Variants in MAX observed in about 807,000 individuals in gnomAD.
MAX encodes the protein protein max.
In MAX, 3 loss-of-function variants were observed where a neutral mutation model predicts 22.3. The ratio of observed to expected loss-of-function variants is 0.13; its 90% CI spans 0.06 to 0.35. MAX has a LOEUF of 0.35. MAX is among the 10% of genes least tolerant of loss of function. The pLI, the probability that MAX is intolerant of heterozygous loss-of-function variation, is 1.00. For synonymous variants in MAX, 72 were observed against 77.7 expected, an observed-to-expected ratio of 0.93 and a Z score of 0.39; for missense variants, 119 against 209.4, an observed-to-expected ratio of 0.57 and a Z score of 2.66.
chr14:65,099,071 G>A (rs2063751606), intron 2 of MAX, among the ~76,000 whole-genome samples: 2 of 151,892 alleles, frequency 1.3e-5, no homozygotes, highest in African/African-American at 4.8e-5. Flanking sequence ...CTTAAGAATA[G>A]CTCCCTCTTA....
intron 3 of MAX, chr14:65,015,615 T>C (rs2061759103): frequency 1.9e-6 from 3 of 1,613,868 alleles, no homozygotes; most frequent in East Asian, 2.2e-5. Flanking sequence ...CTCTCCTGTC[T>C]CTCTCCCAGT....
chr14:65,101,572 C>A lies in MAX; in HGVS notation c.37G>T (p.Glu13Ter), dbSNP rs2139964646. 1 of 1,604,010 alleles carries A rather than the reference C, an allele frequency of 6.2e-7. No individual in the cohort carries two copies. The highest frequency in any genetic ancestry group is 1.3e-5 in the African/African-American group (1 of 74,566). ...GCAGATTGAAACCTCGGTTGCTCTT[C>A]CTGGAATAAGAGAGAAAAAAAAAAA... ...DNDDIEVESD[E>*]EQPRFQSAAD... The change falls in exon 2 of 5, where the codon GAA becomes TAA. Residue 13 changes from glutamate to a stop codon, truncating the protein, a stop_gained and splice_region_variant. Transcript: ENST00000358664. LOFTEE classifies it high-confidence loss of function.
At chr14:65,040,062 C>T (rs918318041) in intron 3 of MAX, among the ~76,000 whole-genome samples, 1 of 151,930 alleles carries the variant, frequency 6.6e-6, no homozygotes, top group South Asian at 2.1e-4. Context: ...TGGTGGGGCA[C>T]GCCCATAGTC....
chr14:65,084,786 G>A lies in MAX; in HGVS notation c.172-6750C>T, dbSNP rs1482318271. ...CTATAAATAGTACTTTCCCTGTGGG[G>A]AGCATGTAGATGAAGAGACCAGGAA... is the stretch of plus-strand genomic sequence containing the variant. On this transcript the variant is annotated intron_variant, in intron 3 of 4. Transcript: ENST00000358664. The surrounding 1 kb of genome is among the most constrained non-coding windows in gnomAD (Gnocchi z 4.3). Among the ~76,000 whole-genome samples, 3 of 152,196 alleles carry A rather than the reference G, an allele frequency of 2.0e-5. No individual in the cohort carries two copies. The highest frequency in any genetic ancestry group is 2.9e-5 in the Non-Finnish European group (2 of 68,042).
intron 3 of MAX, among the ~76,000 whole-genome samples, chr14:65,053,919 T>C (rs1395786450): frequency 6.6e-6 from 1 of 152,166 alleles, no homozygotes; most frequent in Non-Finnish European, 1.5e-5. Context: ...TTTCTAGATA[T>C]TTAGGTATTT....
intron 3 of MAX, among the ~76,000 whole-genome samples, chr14:65,024,732 G>A (rs945925811): frequency 6.6e-6 from 1 of 152,008 alleles, no homozygotes; most frequent in African/African-American, 2.4e-5. Flanking sequence ...TTTATTTATT[G>A]GTGAACTTCT....
In MAX at chr14:65,054,527, T is replaced by C. The variant is rs778211008; in HGVS notation, c.171+39181A>G. The C allele has an allele frequency of 3.8e-5, 60 of 1,562,976 alleles. No homozygotes were observed. The highest frequency in any genetic ancestry group is 4.8e-5 in the Non-Finnish European group (55 of 1,147,314). ...GAATTGGTGTGGCTACATTTGTAGA[T>C]GTGTGCGGAGCAGAGGAGCGCCTGC... On this transcript the variant is annotated intron_variant, in intron 3 of 3. Transcript: ENST00000341653. The surrounding 1 kb of genome is among the most constrained non-coding windows in gnomAD (Gnocchi z 4.4).
At chr14:65,057,308 A>C (rs1207798793) in intron 3 of MAX, among the ~76,000 whole-genome samples, 1 of 152,198 alleles carries the variant, frequency 6.6e-6, no homozygotes, top group Non-Finnish European at 1.5e-5. Context: ...TCGCACCTGT[A>C]AACCTAGCAC....
chr14:65,091,674 T>C (rs137909736), intron 3 of MAX, among the ~76,000 whole-genome samples: 1 of 152,336 alleles, frequency 6.6e-6, no homozygotes, highest in African/African-American at 2.4e-5. Context: ...GCACTACTCT[T>C]TGCTTCACTT....
intron 3 of MAX, among the ~76,000 whole-genome samples, chr14:65,018,155 G>A (rs983340910): frequency 6.6e-6 from 1 of 151,604 alleles, no homozygotes; most frequent in Non-Finnish European, 1.5e-5. Flanking sequence ...CAGTCTGGGC[G>A]ACATAGTGAG....
intron 3 of MAX, among the ~76,000 whole-genome samples, chr14:65,083,537 T>C (rs1411313271): frequency 6.6e-6 from 1 of 152,168 alleles, no homozygotes; most frequent in Admixed American, 6.5e-5. Flanking sequence ...AAAAGAATAG[T>C]AGTGCTAGAT....
At position 65,032,395 on chromosome 14, in the gene MAX, T is replaced by C. The variant is rs2062104167; in HGVS notation, c.172-26111A>G. 3 of 463,002 alleles carry C rather than the reference T, an allele frequency of 6.5e-6. No individual in the cohort carries two copies. The highest frequency in any genetic ancestry group is 7.3e-5 in the East Asian group (2 of 27,368). 28.7% of individuals were successfully genotyped at this position (463,002 alleles called of 1,614,324 possible). A position where few individuals can be genotyped will look rare whatever the true frequency, so the allele number is the denominator to read the frequency against. On this transcript the variant is annotated intron_variant, in intron 3 of 3. Transcript: ENST00000341653. This position sits in a 1 kb window ranked among gnomAD's most constrained non-coding sequence, Gnocchi z 5.0. ...TGGAGGTAGGGAGAATAGAATGTCA[T>C]GTTCTTTCACTGAAGCCATGCCGTG...
chr14:65,061,379 A>T, intron 3 of MAX: 1 of 1,603,590 alleles, frequency 6.2e-7, no homozygotes, highest in Admixed American at 1.7e-5. Flanking sequence ...ATACGTTTCA[A>T]TACATACTGC....
At chr14:65,038,940 A>G (rs923220693) in intron 3 of MAX, among the ~76,000 whole-genome samples, 6 of 152,004 alleles carry the variant, frequency 3.9e-5, no homozygotes, top group African/African-American at 1.2e-4. Context: ...TGTCCTCTCA[A>G]TAGTCTTACT....
intron 3 of MAX, among the ~76,000 whole-genome samples, chr14:65,018,149 C>CAAAA: frequency 6.6e-6 from 1 of 151,972 alleles, no homozygotes; most frequent in Non-Finnish European, 1.5e-5. Flanking sequence ...CAAGACCAGT[C>CAAAA]TGGGCGACAT....
rs920984032 is a variant in MAX at position 65,015,852 on chromosome 14, C to T, written c.172-9568G>A. 26 of 923,226 alleles carry T rather than the reference C, an allele frequency of 2.8e-5. No individual in the cohort carries two copies. In the African/African-American group the frequency reaches 3.8e-4, roughly 14 times the overall value. 57.2% of individuals were successfully genotyped at this position (923,226 alleles called of 1,614,324 possible). A position where few individuals can be genotyped will look rare whatever the true frequency, so the allele number is the denominator to read the frequency against. On this transcript the variant is annotated intron_variant, in intron 3 of 3. Transcript: ENST00000341653. The stretch of plus-strand genomic sequence containing the variant: ...AAGAAATCTTTGCTCTTCTCATGAC[C>T]TCCGGCAACTTCCTGAAACTCCTCC...
intron 3 of MAX, among the ~76,000 whole-genome samples, chr14:65,041,797 T>A (rs540407631): frequency 5.9e-5 from 9 of 152,298 alleles, no homozygotes; most frequent in African/African-American, 1.9e-4. Flanking sequence ...CTTTGTATGC[T>A]GAACTTAAGA....
In MAX at chr14:65,054,774, C is replaced by T; in HGVS notation, c.171+38934G>A. ...TTCCAAGTAAGCAGAACTGGCTCTG[C>T]ATTTCCTGTGTGGACAGGCGGAAGC... On this transcript the variant is annotated intron_variant, in intron 3 of 3. Coordinates refer to the MAX transcript ENST00000341653. This position sits in a 1 kb window ranked among gnomAD's most constrained non-coding sequence, Gnocchi z 4.4. 1.4e-6 allele frequency: 2 copies of T among 1,424,294 alleles called. No homozygotes were observed. The highest frequency in any genetic ancestry group is 9.6e-7 in the Non-Finnish European group (1 of 1,040,330). 88.2% of individuals were successfully genotyped at this position (1,424,294 alleles called of 1,614,324 possible). A position where few individuals can be genotyped will look rare whatever the true frequency, so the allele number is the denominator to read the frequency against.
intron 3 of MAX, chr14:65,061,162 CCTTTT>C: frequency 6.2e-7 from 1 of 1,613,544 alleles, no homozygotes; most frequent in Non-Finnish European, 8.5e-7. Flanking sequence ...TTAACTGGCA[CCTTTT>C]CTTCTCTTTG....
Sources: gnomAD v4.1 joint callset for allele counts (sites outside exome capture counted in the v4.1 genomes callset) on GRCh38, gnomAD v4.1.1 for gene constraint, Gnocchi (gnomAD v3.1) non-coding constraint, MANE v1.5 for transcripts, NCBI Gene and HGNC (gene_info 2026-07-23, HGNC 2026-07-21) for gene names.